ITPR2: variants seen among roughly 807,000 people sequenced by gnomAD.
ITPR2 encodes the protein inositol 1,4,5-trisphosphate receptor type 2.
ITPR2 carries 207 observed loss-of-function variants against 317.1 expected under a neutral mutation model. That is an observed-to-expected ratio of 0.65 (90% CI 0.58 to 0.73). ITPR2 has a LOEUF of 0.73. ITPR2 is among the 30% of genes least tolerant of loss of function. ITPR2 has a pLI of 0.00. For synonymous variants in ITPR2, 1,156 were observed against 1,149.1 expected, an observed-to-expected ratio of 1.01 and a Z score of -0.12; for missense variants, 2,613 against 3,284.0, an observed-to-expected ratio of 0.80 and a Z score of 4.99.
intron 55 of ITPR2, among the ~76,000 whole-genome samples, chr12:26,357,995 C>T (rs1938694805): frequency 6.6e-6 from 1 of 152,206 alleles, no homozygotes; most frequent in Non-Finnish European, 1.5e-5. Context: ...AAGAGAGCTA[C>T]AGAAGCTAGA....
intron 21 of ITPR2, among the ~76,000 whole-genome samples, chr12:26,639,115 A>G (rs1591987219): frequency 6.6e-6 from 1 of 152,190 alleles, no homozygotes; most frequent in African/African-American, 2.4e-5. Context: ...CAGGAATTGC[A>G]TAGGACTATA....
chr12:26,601,807 A>C (rs1946004565), intron 28 of ITPR2, among the ~76,000 whole-genome samples: 2 of 152,210 alleles, frequency 1.3e-5, no homozygotes, highest in East Asian at 3.9e-4. Flanking sequence ...CAATCAATTG[A>C]TCAAAGTGAA....
intron 15 of ITPR2, among the ~76,000 whole-genome samples, chr12:26,659,689 T>C (rs979195216): frequency 6.6e-6 from 1 of 152,224 alleles, no homozygotes; most frequent in Non-Finnish European, 1.5e-5. Flanking sequence ...ACTTTGGATT[T>C]CATCAGTCTA....
chr12:26,510,554 G>C (rs1420744058), intron 37 of ITPR2, among the ~76,000 whole-genome samples: 3 of 152,320 alleles, frequency 2.0e-5, no homozygotes, highest in African/African-American at 7.2e-5. Context: ...CACTTCCACT[G>C]TTAAGCAGTC....
intron 39 of ITPR2, among the ~76,000 whole-genome samples, chr12:26,493,480 T>C (rs1226788516): frequency 6.6e-6 from 1 of 152,188 alleles, no homozygotes; most frequent in Admixed American, 6.5e-5. Flanking sequence ...ATAGGAGGAA[T>C]AAATTCCTGT....
chr12:26,829,319 C>T (rs1215243012), intron 1 of ITPR2, among the ~76,000 whole-genome samples: 4 of 151,984 alleles, frequency 2.6e-5, no homozygotes, highest in Admixed American at 6.6e-5. Context: ...GCACATTTGT[C>T]AAATGAGATT....
At chr12:26,438,505 A>T (rs1365952040) in intron 47 of ITPR2, among the ~76,000 whole-genome samples, 2 of 152,230 alleles carry the variant, frequency 1.3e-5, no homozygotes, top group Non-Finnish European at 2.9e-5. Flanking sequence ...AAGTTTATTT[A>T]AAAATTCTAA....
intron 2 of ITPR2, among the ~76,000 whole-genome samples, chr12:26,736,779 T>G (rs1039005036): frequency 1.3e-5 from 2 of 152,194 alleles, no homozygotes; most frequent in Non-Finnish European, 2.9e-5. Context: ...TTAGACTGAT[T>G]CCTCAAACAG....
intron 8 of ITPR2, among the ~76,000 whole-genome samples, chr12:26,712,924 TC>T (rs930300022): frequency 6.6e-6 from 1 of 152,218 alleles, no homozygotes; most frequent in African/African-American, 2.4e-5. Context: ...CAGAATGTGA[TC>T]AACACTGTGT....
chr12:26,794,213 G>A (rs1431750113), intron 1 of ITPR2, among the ~76,000 whole-genome samples: 4 of 152,140 alleles, frequency 2.6e-5, no homozygotes, highest in African/African-American at 4.8e-5. Flanking sequence ...TTTTGTAAAT[G>A]TGAATGGAAT....
At chr12:26,604,846 G>A (rs142577635) in intron 26 of ITPR2, among the ~76,000 whole-genome samples, 241 of 151,954 alleles carry the variant, frequency 1.6e-3, no homozygotes, top group African/African-American at 5.3e-3. Context: ...CTGTAATCCC[G>A]GCACTTTGGG....
At chr12:26,565,855 AGG>A (rs1944948448) in intron 34 of ITPR2, among the ~76,000 whole-genome samples, 1 of 90,076 alleles carries the variant, frequency 1.1e-5, no homozygotes, top group Non-Finnish European at 2.2e-5. Flanking sequence ...AGGAGAGGAG[AGG>A]AGAGGGGAGG....
chr12:26,706,086 C>A (rs17401663), intron 9 of ITPR2, among the ~76,000 whole-genome samples: 56,458 of 152,038 alleles, frequency 0.37, 11,530 homozygotes, highest in Non-Finnish European at 0.48. Context: ...GTCACTTCAC[C>A]AAGGCTCCAG....
chr12:26,510,032 G>A (rs1252599965), intron 37 of ITPR2, among the ~76,000 whole-genome samples: 1 of 147,934 alleles, frequency 6.8e-6, no homozygotes, highest in Non-Finnish European at 1.5e-5. Flanking sequence ...GGAGAGAAGG[G>A]AAACAAATTT....
chr12:26,668,313 A>C (rs1947672829), intron 13 of ITPR2, among the ~76,000 whole-genome samples: 2 of 152,234 alleles, frequency 1.3e-5, no homozygotes, highest in South Asian at 4.1e-4. Flanking sequence ...AAGAAAACTT[A>C]AAGTTCAGTG....
At chr12:26,490,538 C>T (rs1161536567) in intron 39 of ITPR2, among the ~76,000 whole-genome samples, 1 of 152,196 alleles carries the variant, frequency 6.6e-6, no homozygotes, top group Non-Finnish European at 1.5e-5. Context: ...AATGGCCGGG[C>T]GCAGTGGCTC....
At chr12:26,535,776 A>G (rs906048135) in intron 37 of ITPR2, among the ~76,000 whole-genome samples, 1 of 152,210 alleles carries the variant, frequency 6.6e-6, no homozygotes, top group African/African-American at 2.4e-5. Context: ...TAAAATAAGA[A>G]TTTTTCATAA....
intron 9 of ITPR2, among the ~76,000 whole-genome samples, chr12:26,710,599 G>C (rs1948628204): frequency 6.6e-6 from 1 of 152,198 alleles, no homozygotes; most frequent in Non-Finnish European, 1.5e-5. Context: ...AAACTTCCAT[G>C]ATGTTATTTC....
At chr12:26,444,402 T>C (rs996946291) in intron 45 of ITPR2, among the ~76,000 whole-genome samples, 3 of 152,148 alleles carry the variant, frequency 2.0e-5, no homozygotes, top group Non-Finnish European at 4.4e-5. Flanking sequence ...AAATATCTTA[T>C]TAATGCTTAA....
Sources: allele counts gnomAD v4.1 joint callset (sites outside exome capture counted in the v4.1 genomes callset), GRCh38; gene constraint gnomAD v4.1.1; transcripts MANE v1.5; gene names NCBI Gene and HGNC (gene_info 2026-07-23, HGNC 2026-07-21).